GUCY1A2: variants seen among roughly 807,000 people sequenced by gnomAD.
GUCY1A2 encodes the protein guanylate cyclase 1 soluble subunit alpha 2.
GUCY1A2 carries 27 observed loss-of-function variants against 63.5 expected under a neutral mutation model. The ratio of observed to expected loss-of-function variants is 0.43; its 90% CI spans 0.31 to 0.59. GUCY1A2 has a LOEUF of 0.59. Ranked by LOEUF, GUCY1A2 falls within the 20% of genes least tolerant of loss-of-function variation. The pLI is 0.11. For synonymous variants in GUCY1A2, 364 were observed against 343.5 expected (o/e 1.06, Z -0.66); for missense variants, 768 against 913.3 (o/e 0.84, Z 2.05).
intron 4 of GUCY1A2, among the ~76,000 whole-genome samples, chr11:106,862,689 A>G (rs954447004): frequency 1.1e-4 from 16 of 151,430 alleles, no homozygotes; most frequent in Non-Finnish European, 5.9e-5. Flanking sequence ...CTCTATTCCA[A>G]TTCCTTCCCT....
intron 4 of GUCY1A2, among the ~76,000 whole-genome samples, chr11:106,844,460 C>T (rs370400205): frequency 1.2e-4 from 18 of 151,776 alleles, no homozygotes; most frequent in Non-Finnish European, 2.4e-4. Flanking sequence ...GGCTCTTCTC[C>T]GTGGATATCA....
intron 4 of GUCY1A2, among the ~76,000 whole-genome samples, chr11:106,878,782 T>TAAAAAAA (rs372754272): frequency 5.8e-5 from 8 of 137,978 alleles, no homozygotes; most frequent in Admixed American, 7.4e-5. Context: ...ACTTAAAAGT[T>TAAAAAAA]AAAAAAAAAA....
At chr11:106,921,446 T>C (rs904863031) in intron 4 of GUCY1A2, among the ~76,000 whole-genome samples, 1 of 152,082 alleles carries the variant, frequency 6.6e-6, no homozygotes, top group Non-Finnish European at 1.5e-5. Flanking sequence ...AAAACAATTC[T>C]AGTTTAAAAA....
At chr11:106,824,757 G>C in intron 4 of GUCY1A2, 1 of 1,506,526 alleles carries the variant, frequency 6.6e-7, no homozygotes, top group South Asian at 1.3e-5. Flanking sequence ...AAACTGAATA[G>C]CTGGATTTTT....
chr11:106,909,489 G>A (rs1310277879), intron 4 of GUCY1A2, among the ~76,000 whole-genome samples: 1 of 151,382 alleles, frequency 6.6e-6, no homozygotes, highest in Non-Finnish European at 1.5e-5. Context: ...GAGTCCTGGT[G>A]TTGCCCCTTT....
intron 6 of GUCY1A2, among the ~76,000 whole-genome samples, chr11:106,726,466 A>G (rs1185469092): frequency 6.6e-6 from 1 of 152,188 alleles, no homozygotes; most frequent in East Asian, 1.9e-4. Flanking sequence ...ATAAGTGTAT[A>G]TATATTGGGT....
At chr11:106,872,341 G>A (rs543558742) in intron 4 of GUCY1A2, among the ~76,000 whole-genome samples, 1 of 152,172 alleles carries the variant, frequency 6.6e-6, no homozygotes, top group Non-Finnish European at 1.5e-5. Flanking sequence ...TATCATAAGT[G>A]ACACTCATAT....
intron 4 of GUCY1A2, among the ~76,000 whole-genome samples, chr11:106,921,354 A>G (rs909019209): frequency 1.3e-5 from 2 of 151,834 alleles, no homozygotes; most frequent in Non-Finnish European, 1.5e-5. Context: ...TCCTTTCTGC[A>G]TATTCCCAGG....
chr11:106,694,435 T>G (rs908549239), intron 7 of GUCY1A2, among the ~76,000 whole-genome samples: 1 of 152,206 alleles, frequency 6.6e-6, no homozygotes, highest in Non-Finnish European at 1.5e-5. Flanking sequence ...TTTCCCTAGC[T>G]ACTATGGTTC....
At chr11:106,790,064 A>G (rs1864630773) in intron 5 of GUCY1A2, among the ~76,000 whole-genome samples, 1 of 152,212 alleles carries the variant, frequency 6.6e-6, no homozygotes, top group African/African-American at 2.4e-5. Context: ...TGGCAAAGTT[A>G]GCCAGGCTTG....
intron 6 of GUCY1A2, among the ~76,000 whole-genome samples, chr11:106,731,212 T>G (rs942192349): frequency 6.6e-6 from 1 of 152,096 alleles, no homozygotes; most frequent in Non-Finnish European, 1.5e-5. Context: ...TCCTCCTGAG[T>G]TTTTTATAGT....
intron 6 of GUCY1A2, among the ~76,000 whole-genome samples, chr11:106,710,586 G>A (rs1354223272): frequency 6.6e-6 from 1 of 150,920 alleles, no homozygotes; most frequent in Non-Finnish European, 1.5e-5. Flanking sequence ...ACAGTCAATA[G>A]GCATTGATTA....
intron 4 of GUCY1A2, among the ~76,000 whole-genome samples, chr11:106,898,525 T>C (rs1306255824): frequency 1.3e-5 from 2 of 152,124 alleles, no homozygotes; most frequent in Non-Finnish European, 1.5e-5. Context: ...AGAAATGGGC[T>C]ATCAAGCTAT....
chr11:106,883,312 C>T (rs190760311), intron 4 of GUCY1A2, among the ~76,000 whole-genome samples: 1 of 152,024 alleles, frequency 6.6e-6, no homozygotes, highest in Non-Finnish European at 1.5e-5. Context: ...TCCTGGATGC[C>T]TTTATCTATG....
chr11:106,692,014 G>A (rs760446120), intron 7 of GUCY1A2, among the ~76,000 whole-genome samples: 7 of 152,076 alleles, frequency 4.6e-5, no homozygotes, highest in Non-Finnish European at 1.0e-4. Flanking sequence ...GAGTCATGGT[G>A]CTGAAACTGA....
intron 3 of GUCY1A2, among the ~76,000 whole-genome samples, chr11:106,960,749 G>A (rs570364723): frequency 2.6e-5 from 4 of 152,168 alleles, no homozygotes; most frequent in South Asian, 2.1e-4. Flanking sequence ...GGTAGTGCAC[G>A]TGAGTATGTT....
At chr11:106,969,254 G>A (rs554320706) in intron 3 of GUCY1A2, among the ~76,000 whole-genome samples, 3 of 152,140 alleles carry the variant, frequency 2.0e-5, no homozygotes, top group Non-Finnish European at 2.9e-5. Flanking sequence ...CTGAAGAACC[G>A]AACTCAAGAC....
intron 2 of GUCY1A2, among the ~76,000 whole-genome samples, chr11:106,984,043 A>G (rs1287922540): frequency 6.6e-6 from 1 of 152,228 alleles, no homozygotes; most frequent in East Asian, 1.9e-4. Flanking sequence ...ATAAAAGGCA[A>G]AAGAGGAAGT....
intron 4 of GUCY1A2, among the ~76,000 whole-genome samples, chr11:106,829,926 A>C (rs1038813121): frequency 6.6e-6 from 1 of 152,208 alleles, no homozygotes; most frequent in African/African-American, 2.4e-5. Flanking sequence ...TACACCAAGT[A>C]AAAAACCATG....
Sources: gnomAD v4.1 joint callset for allele counts (sites outside exome capture counted in the v4.1 genomes callset) on GRCh38, gnomAD v4.1.1 for gene constraint, MANE v1.5 for transcripts, NCBI Gene and HGNC (gene_info 2026-07-23, HGNC 2026-07-21) for gene names.